Variants in DNAH3 observed in about 807,000 individuals in gnomAD.
The protein encoded by DNAH3 is axonemal beta dynein heavy chain 3.
A neutral mutation model predicts 432.5 loss-of-function variants in DNAH3; 332 were observed. The observed-to-expected ratio is 0.77, with a 90% CI of 0.70 to 0.84. The LOEUF is 0.84. Ranked by LOEUF, DNAH3 falls within the 40% of genes least tolerant of loss-of-function variation. DNAH3 has a pLI of 0.00. For synonymous variants in DNAH3, 1,956 were observed against 1,900.2 expected (o/e 1.03, Z -0.76); for missense variants, 4,861 against 5,114.0 (o/e 0.95, Z 1.51).
chr16:21,151,192 T>C (rs1163318378), intron 1 of DNAH3, among the ~76,000 whole-genome samples: 2 of 152,196 alleles, frequency 1.3e-5, no homozygotes, highest in Non-Finnish European at 2.9e-5. Context: ...AAGTGTCCTT[T>C]CCGTCTGTAA....
intron 21 of DNAH3, 40 bp downstream of exon 21, chr16:21,075,407 G>A (rs1276945490): frequency 7.5e-7 from 1 of 1,335,654 alleles, no homozygotes; most frequent in Non-Finnish European, 1.1e-6. Context: ...TAATAAATGG[G>A]GCTGCTTTCA....
chr16:21,030,692 C>T (rs763998733), intron 37 of DNAH3, among the ~76,000 whole-genome samples: 3 of 152,140 alleles, frequency 2.0e-5, no homozygotes, highest in Admixed American at 2.0e-4. Context: ...TATCAACAAC[C>T]TCATTTTATT....
At chr16:21,041,102 G>GA (rs2089421748) in intron 32 of DNAH3, among the ~76,000 whole-genome samples, 1 of 152,158 alleles carries the variant, frequency 6.6e-6, no homozygotes, top group Non-Finnish European at 1.5e-5. Flanking sequence ...TGGGACTGGT[G>GA]GCTCACACCT....
At chr16:21,027,064 C>G in exon 38 of DNAH3, 5 of 1,613,534 alleles carry the variant, frequency 3.1e-6, no homozygotes, top group Non-Finnish European at 4.2e-6. Flanking sequence ...TCGAGGTCGG[C>G]GGGCTCGAAG....
At chr16:21,084,193 G>T (rs113086048) in intron 19 of DNAH3, among the ~76,000 whole-genome samples, 1 of 151,968 alleles carries the variant, frequency 6.6e-6, no homozygotes, top group Non-Finnish European at 1.5e-5. Context: ...CACTTCAAAG[G>T]CCTGTTTTAA....
At chr16:21,128,650 C>T (rs868343550) in intron 7 of DNAH3, among the ~76,000 whole-genome samples, 19 of 149,958 alleles carry the variant, frequency 1.3e-4, no homozygotes, top group African/African-American at 2.5e-4. Context: ...CAGGAGATCA[C>T]GCCACTGCAC....
chr16:20,941,567 GT>G, intron 58 of DNAH3, 24 bp from the exon 59 acceptor site: 1 of 1,613,130 alleles, frequency 6.2e-7, no homozygotes, highest in East Asian at 2.2e-5. Context: ...CAGAAGAGAG[GT>G]GAGTGAGAAG....
chr16:21,106,395 T>C (rs1229994606), intron 15 of DNAH3, 95 bp downstream of exon 15: 5 of 1,017,318 alleles, frequency 4.9e-6, no homozygotes, highest in Non-Finnish European at 6.6e-6. Flanking sequence ...CCTAAATATA[T>C]AAATACATAT....
chr16:20,975,767 C>CA (rs2085559266), intron 50 of DNAH3, among the ~76,000 whole-genome samples: 1 of 151,990 alleles, frequency 6.6e-6, no homozygotes, highest in Admixed American at 6.6e-5. Flanking sequence ...TTTTTTTTGA[C>CA]AGAGTCTCAC....
exon 40 of DNAH3, chr16:21,022,062 C>T (rs1159901178): frequency 6.2e-7 from 1 of 1,614,006 alleles, no homozygotes; most frequent in Non-Finnish European, 8.5e-7. Flanking sequence ...GACCAAATTC[C>T]AGGCAGGGCT....
intron 23 of DNAH3, among the ~76,000 whole-genome samples, chr16:21,068,988 G>A (rs77871434): frequency 1.3e-5 from 2 of 151,600 alleles, no homozygotes; most frequent in Non-Finnish European, 2.9e-5. Context: ...GCAGTGGCAC[G>A]ATCCCAGGTC....
At chr16:21,153,957 C>A (rs900199766) in intron 1 of DNAH3, among the ~76,000 whole-genome samples, 1 of 152,134 alleles carries the variant, frequency 6.6e-6, no homozygotes, top group African/African-American at 2.4e-5. Flanking sequence ...ACAAAGTATA[C>A]ATACGGTTTC....
chr16:21,015,132 C>A (rs907042482), intron 41 of DNAH3, among the ~76,000 whole-genome samples: 1 of 152,160 alleles, frequency 6.6e-6, no homozygotes, highest in Non-Finnish European at 1.5e-5. Flanking sequence ...ATGTTTATAA[C>A]TGCTTTAAGT....
chr16:20,958,203 G>A (rs2084662228), intron 54 of DNAH3, among the ~76,000 whole-genome samples: 1 of 151,216 alleles, frequency 6.6e-6, no homozygotes, highest in African/African-American at 2.4e-5. Flanking sequence ...CTCCCAAGTT[G>A]CTGGGACTAC....
In DNAH3 at chr16:20,968,032, C is replaced by T. The variant is rs146136493; in HGVS notation, c.8458+1760G>A. 1.1e-4 allele frequency among the ~76,000 whole-genome samples: 17 copies of T among 152,252 alleles called. No homozygotes were observed. The East Asian group carries it at 2.5e-3, about 22-fold the overall frequency. On this transcript the variant is annotated intron_variant, in intron 52 of 61. Coordinates refer to ENST00000261383, the Ensembl canonical transcript of DNAH3. ...CCGCCAGAGAAGAGGGAATGCTAAG[C>T]AATGGGAAGCAGGAGCCAGAAGGTC...
At chr16:21,020,930 C>T (rs1042381251) in intron 40 of DNAH3, among the ~76,000 whole-genome samples, 4 of 152,092 alleles carry the variant, frequency 2.6e-5, no homozygotes, top group African/African-American at 7.2e-5. Flanking sequence ...CAGAACTCTC[C>T]GTTCTGTCTT....
At position 20,937,841 on chromosome 16, in the gene DNAH3, G is replaced by A. The variant is rs186873098; in HGVS notation, c.11655-988C>T. Among the ~76,000 whole-genome samples, 12 of 151,874 alleles carry A rather than the reference G, an allele frequency of 7.9e-5. No homozygotes were observed. The East Asian group carries it at 2.3e-3, about 29-fold the overall frequency. On this transcript the variant is annotated intron_variant, in intron 59 of 61. Transcript: ENST00000261383. ...GCCTGGCCAAAGGTCCTTTTTTATC[G>A]ACTATAAGGTGCACGCCTGAGAAAA...
chr16:20,933,163 C>T (rs1269789151), exon 62 of DNAH3: 1 of 1,610,426 alleles, frequency 6.2e-7, no homozygotes. Flanking sequence ...ATCAGTTATC[C>T]AGCTGGCACA....
rs752077936 is a variant in DNAH3 at position 20,985,618 on chromosome 16, A to AT, written c.7123dup (p.Ile2375AsnfsTer4). The AT allele has an allele frequency of 9.9e-6, 16 of 1,614,170 alleles. No individual in the cohort carries two copies. Among genetic ancestry groups the AT allele is most frequent in the East Asian group, 2.2e-5 (1 of 44,874 alleles). On this transcript the variant is annotated frameshift_variant, in exon 48 of 62. Coordinates refer to ENST00000261383, the Ensembl canonical transcript of DNAH3. LOFTEE classifies it high-confidence loss of function. ...TTTCAGGTCAGTGATCTCATCGTAG[A>AT]TTTTTTGGTCACTTTCTGGCTTGAA...
Sources: allele counts gnomAD v4.1 joint callset (sites outside exome capture counted in the v4.1 genomes callset), GRCh38; gene constraint gnomAD v4.1.1; transcripts MANE v1.5; gene names NCBI Gene and HGNC (gene_info 2026-07-23, HGNC 2026-07-21).